The following THADA variants were observed in gnomAD, a reference collection of about 807,000 sequenced individuals.
THADA encodes the protein THADA armadillo repeat containing.
Under a neutral mutation model 219.8 loss-of-function variants are expected in THADA, and 213 were observed. That is an observed-to-expected ratio of 0.97 (90% CI 0.87 to 1.09). The LOEUF (loss-of-function observed/expected upper bound fraction) is 1.09. THADA is among the 50% of genes least tolerant of loss of function. The pLI is 0.00. For missense variants in THADA, 2,956 were observed against 2,311.3 expected (o/e 1.28, Z -5.72); for synonymous variants, 1,018 against 828.9 (o/e 1.23, Z -3.92).
At chr2:43,562,892 T>G (rs998718183) in intron 15 of THADA, 2 of 152,234 alleles carry the variant, frequency 1.3e-5, no homozygotes, top group Non-Finnish European at 2.9e-5. Flanking sequence ...TAATCATTTT[T>G]ATTTCTGCAA....
At chr2:43,334,030 C>T (rs935939990) in intron 30 of THADA, among the ~76,000 whole-genome samples, 1 of 152,212 alleles carries the variant, frequency 6.6e-6, no homozygotes, top group Non-Finnish European at 1.5e-5. Context: ...TACACCAGAA[C>T]TTCTGCAGTT....
At chr2:43,540,077 T>C (rs1254241851) in intron 21 of THADA, among the ~76,000 whole-genome samples, 1 of 152,212 alleles carries the variant, frequency 6.6e-6, no homozygotes, top group East Asian at 1.9e-4. Context: ...CTAGCACATG[T>C]TTACTTCTTA....
chr2:43,344,368 C>G, intron 29 of THADA, 131 bp from the exon 30 acceptor site: 2 of 618,896 alleles, frequency 3.2e-6, no homozygotes, highest in Non-Finnish European at 5.5e-6. Flanking sequence ...TAGCTCTGGT[C>G]TCTTTGCAGA....
At chr2:43,294,370 G>A (rs1162067651) in intron 31 of THADA, among the ~76,000 whole-genome samples, 6 of 152,202 alleles carry the variant, frequency 3.9e-5, no homozygotes, top group Admixed American at 3.9e-4. Context: ...AGGCCTCAAA[G>A]AGGAAGACAG....
At chr2:43,430,384 A>G in intron 26 of THADA, 82 bp from the exon 27 acceptor site, 6 of 716,160 alleles carry the variant, frequency 8.4e-6, no homozygotes, top group Admixed American at 3.0e-5. Context: ...AAAAAGGAAG[A>G]TAAGTACGGT....
chr2:43,561,082 C>A (rs558321853), intron 15 of THADA, among the ~76,000 whole-genome samples: 37 of 148,606 alleles, frequency 2.5e-4, no homozygotes, highest in African/African-American at 9.1e-4. Context: ...ATAGAATGAT[C>A]AGTATGATGA....
intron 37 of THADA, 91 bp from the exon 38 acceptor site, chr2:43,231,434 G>C (rs759805651): frequency 4.8e-5 from 64 of 1,344,796 alleles, no homozygotes; most frequent in Middle Eastern, 2.4e-4. Flanking sequence ...AGATGCAAGA[G>C]GGGTTTCCCT....
intron 30 of THADA, among the ~76,000 whole-genome samples, chr2:43,337,847 C>T (rs1666639941): frequency 1.3e-5 from 2 of 151,948 alleles, no homozygotes; most frequent in Non-Finnish European, 2.9e-5. Flanking sequence ...AAATATGCTA[C>T]CTTCAAAAAT....
intron 6 of THADA, 24 bp from the exon 7 acceptor site, chr2:43,586,473 A>G: frequency 1.3e-6 from 2 of 1,532,260 alleles, no homozygotes; most frequent in South Asian, 2.5e-5. Context: ...AATATGACAA[A>G]TAAGAATTTA....
intron 29 of THADA, among the ~76,000 whole-genome samples, chr2:43,387,893 T>C (rs1672888214): frequency 1.3e-5 from 2 of 152,184 alleles, no homozygotes; most frequent in African/African-American, 4.8e-5. Context: ...TGGTCTAAAA[T>C]AGGAAAAGAG....
At chr2:43,434,368 C>T (rs1449573305) in intron 26 of THADA, among the ~76,000 whole-genome samples, 4 of 152,218 alleles carry the variant, frequency 2.6e-5, no homozygotes, top group African/African-American at 9.6e-5. Flanking sequence ...GAGGCTCTGT[C>T]TCCGGCCTGT....
intron 29 of THADA, among the ~76,000 whole-genome samples, chr2:43,364,019 G>A (rs1256011157): frequency 1.3e-5 from 2 of 152,100 alleles, no homozygotes; most frequent in Admixed American, 6.5e-5. Flanking sequence ...CTCACAAGTT[G>A]GAGACCAGCC....
chr2:43,566,505 G>A (rs536057869), intron 15 of THADA, 193 bp downstream of exon 15: 16 of 743,202 alleles, frequency 2.2e-5, no homozygotes, highest in Middle Eastern at 2.3e-4. Flanking sequence ...AATGATCAAT[G>A]AAAAGGGAGA....
At chr2:43,265,742 A>G (rs1671440100) in intron 36 of THADA, among the ~76,000 whole-genome samples, 1 of 152,112 alleles carries the variant, frequency 6.6e-6, no homozygotes, top group African/African-American at 2.4e-5. Context: ...TCCTTTTCCA[A>G]ACACAAACCG....
Position 43,231,286 on chromosome 2 carries a change from T to C in THADA, c.5524A>G (p.Ile1842Val), listed in dbSNP as rs114651703. 9 of 1,595,538 alleles carry C rather than the reference T, an allele frequency of 5.6e-6. No individual in the cohort carries two copies. In the African/African-American group the frequency reaches 1.2e-4, roughly 22 times the overall value. The change falls in exon 38 of 38, where the codon ATC becomes GTC. Residue 1842 changes from isoleucine to valine, a missense_variant. Ile to Val is a conservative substitution (Grantham distance 29). Transcript: ENST00000405975. Reference protein sequence around the residue: ...AEVNFWAETLIFVKYLCKHLF... With the variant: ...AEVNFWAETLVFVKYLCKHLF... ...TGCTTGCAGAGGTATTTCACAAAGA[T>C]CAGGGTCTCGGCCCAAAAGTTGACT...
At chr2:43,447,031 TAAAGA>T (rs977385367) in intron 26 of THADA, among the ~76,000 whole-genome samples, 1 of 152,102 alleles carries the variant, frequency 6.6e-6, no homozygotes, top group African/African-American at 2.4e-5. Flanking sequence ...GAATAATTTG[TAAAGA>T]AAAGAGGTTT....
chr2:43,429,537 A>G (rs1038798736), intron 27 of THADA, among the ~76,000 whole-genome samples: 1 of 152,130 alleles, frequency 6.6e-6, no homozygotes, highest in Non-Finnish European at 1.5e-5. Flanking sequence ...ACAAGTGATC[A>G]TATTAGTCAG....
rs368425484 is a variant in THADA at position 43,349,795 on chromosome 2, C to T, written c.4228-5558G>A. 3.3e-5 allele frequency among the ~76,000 whole-genome samples: 5 copies of T among 152,252 alleles called. No homozygotes were observed. The East Asian group carries it at 9.6e-4, about 29-fold the overall frequency. ...AATTCTGAAGATTAAAAAACCTGTCCACTTTTGCAACTGTATTTTCTTAAA... is the reference window on the plus strand; with the variant it reads ...AATTCTGAAGATTAAAAAACCTGTCTACTTTTGCAACTGTATTTTCTTAAA... On this transcript the variant is annotated intron_variant, in intron 29 of 37. Coordinates refer to ENST00000405975, the MANE Select transcript of THADA (RefSeq NM_022065.5).
chr2:43,340,941 C>T (rs1030396901), intron 30 of THADA, among the ~76,000 whole-genome samples: 3 of 152,184 alleles, frequency 2.0e-5, no homozygotes, highest in African/African-American at 7.2e-5. Flanking sequence ...AGGCATGTGA[C>T]ACCGAGGCTT....
Sources: allele counts gnomAD v4.1 joint callset (sites outside exome capture counted in the v4.1 genomes callset), GRCh38; gene constraint gnomAD v4.1.1; transcripts MANE v1.5; gene names NCBI Gene and HGNC (gene_info 2026-07-23, HGNC 2026-07-21).